The following SLC9A2 variants were observed in gnomAD, a reference collection of about 807,000 sequenced individuals.
SLC9A2 encodes sodium/hydrogen exchanger 2.
SLC9A2 carries 42 observed loss-of-function variants against 71.7 expected under a neutral mutation model. The observed-to-expected ratio is 0.59, with a 90% CI of 0.46 to 0.76. SLC9A2 has a LOEUF of 0.76. SLC9A2 is among the 30% of genes least tolerant of loss of function. The pLI is 0.00. For synonymous variants in SLC9A2, 396 were observed against 392.5 expected (o/e 1.01, Z -0.10); for missense variants, 829 against 1,017.4 (o/e 0.81, Z 2.52).
At chr2:102,706,590 A>G (rs1241524068) in intron 11 of SLC9A2, among the ~76,000 whole-genome samples, 1 of 152,260 alleles carries the variant, frequency 6.6e-6, no homozygotes, top group Non-Finnish European at 1.5e-5. Flanking sequence ...TTTAAAAAAA[A>G]GAATGAGTTC....
intron 1 of SLC9A2, among the ~76,000 whole-genome samples, chr2:102,626,309 C>A (rs888589409): frequency 1.3e-5 from 2 of 152,088 alleles, no homozygotes; most frequent in African/African-American, 4.8e-5. Flanking sequence ...CTGACAAAAA[C>A]AAGAAATGGG....
intron 3 of SLC9A2, among the ~76,000 whole-genome samples, chr2:102,675,145 T>C (rs1384451841): frequency 6.6e-6 from 1 of 152,212 alleles, no homozygotes; most frequent in Non-Finnish European, 1.5e-5. Context: ...TAATCTGTGT[T>C]GACTGCAAGT....
intron 2 of SLC9A2, among the ~76,000 whole-genome samples, chr2:102,662,702 C>T (rs1361881686): frequency 2.0e-5 from 3 of 151,502 alleles, no homozygotes; most frequent in South Asian, 2.1e-4. Context: ...TGAATAAACA[C>T]GGTGTGTTTT....
intron 7 of SLC9A2, among the ~76,000 whole-genome samples, chr2:102,695,778 T>TTATATATATATTATATATATATTA (rs1304391547): frequency 4.1e-5 from 1 of 24,580 alleles, no homozygotes; most frequent in Non-Finnish European, 8.7e-5. Context: ...ATAATATATA[T>TTATATATATATTATATATATATTA]TATATATATA....
At chr2:102,646,679 A>G (rs1167454278) in intron 1 of SLC9A2, among the ~76,000 whole-genome samples, 1 of 151,824 alleles carries the variant, frequency 6.6e-6, no homozygotes, top group Non-Finnish European at 1.5e-5. Flanking sequence ...GATAAAACAG[A>G]CTTTAAACCA....
intron 1 of SLC9A2, 65 bp downstream of exon 1, chr2:102,620,202 C>T (rs1408447222): frequency 2.1e-6 from 3 of 1,448,962 alleles, no homozygotes; most frequent in African/African-American, 2.8e-5. Context: ...GGAGGGTGAC[C>T]GGGTCAGCCA....
In SLC9A2 at chr2:102,708,721, T is replaced by C. The variant is rs1678037088; in HGVS notation, c.*232T>C. On this transcript the variant is annotated 3_prime_UTR_variant, in exon 12 of 12. Coordinates refer to ENST00000233969, the MANE Select transcript of SLC9A2 (RefSeq NM_003048.6). ...TGACTAATGGGTAGCAATCGTATTA[T>C]TTGCTGGCCTGAAGAGAAAAAATGG... 2 of 469,346 alleles carry C rather than the reference T, an allele frequency of 4.3e-6. No individual in the cohort carries two copies. Among genetic ancestry groups the C allele is most frequent in the Non-Finnish European group, 7.4e-6 (2 of 269,588 alleles). 29.1% of individuals were successfully genotyped at this position (469,346 alleles called of 1,614,324 possible).
chr2:102,657,866 G>C lies in SLC9A2; in HGVS notation c.592G>C (p.Gly198Arg). ...TGGTATCTGCCAGATCGAAGCATTCGGCCTCAGCGACATCACTTTGCTCCA... is the reference window on the plus strand; with the variant it reads ...TGGTATCTGCCAGATCGAAGCATTCCGCCTCAGCGACATCACTTTGCTCCA... Reference protein sequence around the residue: ...LFGICQIEAFGLSDITLLQNL... With the variant: ...LFGICQIEAFRLSDITLLQNL... Residue 198 changes from glycine to arginine, a missense_variant, in exon 2 of 12, where the codon GGC becomes CGC. Physicochemically the swap from Gly to Arg is moderately radical, Grantham distance 125 (BLOSUM62 -2). Transcript: ENST00000233969. The C allele has an allele frequency of 6.2e-7, 1 of 1,614,160 alleles. No individual in the cohort carries two copies. Among genetic ancestry groups the C allele is most frequent in the Non-Finnish European group, 8.5e-7 (1 of 1,180,038 alleles).
chr2:102,666,194 C>CTTTT (rs1266703500), intron 3 of SLC9A2, among the ~76,000 whole-genome samples: 49 of 119,416 alleles, frequency 4.1e-4, no homozygotes, highest in South Asian at 1.2e-3. Context: ...TCCAGTTTAG[C>CTTTT]TTTTTTTTTT....
intron 1 of SLC9A2, among the ~76,000 whole-genome samples, chr2:102,633,174 A>C (rs1469651629): frequency 6.6e-6 from 1 of 152,128 alleles, no homozygotes; most frequent in Admixed American, 6.5e-5. Context: ...TTTAATTCTC[A>C]TGGTAATTCT....
intron 5 of SLC9A2, among the ~76,000 whole-genome samples, chr2:102,686,098 T>C (rs1264338928): frequency 6.6e-6 from 1 of 152,182 alleles, no homozygotes; most frequent in Non-Finnish European, 1.5e-5. Context: ...ATTTAAAAGT[T>C]AGTCACAGAA....
At chr2:102,703,817 C>T (rs1308647156) in intron 9 of SLC9A2, among the ~76,000 whole-genome samples, 3 of 152,062 alleles carry the variant, frequency 2.0e-5, no homozygotes, top group African/African-American at 7.2e-5. Context: ...CATGTACAGC[C>T]CTAGTTTAGA....
intron 11 of SLC9A2, among the ~76,000 whole-genome samples, chr2:102,707,432 G>A (rs1479804341): frequency 6.6e-6 from 1 of 151,738 alleles, no homozygotes; most frequent in African/African-American, 2.4e-5. Flanking sequence ...TTAGAACAGT[G>A]GCCCGTGGTC....
chr2:102,653,889 C>A (rs899817437), intron 1 of SLC9A2, among the ~76,000 whole-genome samples: 17 of 152,144 alleles, frequency 1.1e-4, no homozygotes, highest in Admixed American at 4.6e-4. Context: ...AATGTGGAGG[C>A]ATTTGTGATG....
chr2:102,638,803 A>G (rs553831662), intron 1 of SLC9A2, among the ~76,000 whole-genome samples: 5 of 152,222 alleles, frequency 3.3e-5, no homozygotes, highest in Non-Finnish European at 7.3e-5. Flanking sequence ...CAGAAAACAT[A>G]TCTGTGAGTA....
chr2:102,704,762 A>T lies in SLC9A2; in HGVS notation c.1977+87A>T, dbSNP rs1343964063. 6.3e-6 allele frequency: 9 copies of T among 1,434,336 alleles called. No homozygotes were observed. The Admixed American group carries it at 1.6e-4, about 26-fold the overall frequency. 88.9% of individuals were successfully genotyped at this position (1,434,336 alleles called of 1,614,324 possible). A position where few individuals can be genotyped will look rare whatever the true frequency, so the allele number is the denominator to read the frequency against. On this transcript the variant is annotated intron_variant, in intron 10 of 11. Coordinates refer to ENST00000233969, the MANE Select transcript of SLC9A2 (RefSeq NM_003048.6). ...CAGCTGATGGTATCATCAGCTCTGC[A>T]GATCAAGTGGCTGTTGACAGTTCTC...
intron 5 of SLC9A2, chr2:102,689,591 T>C (rs1677621018): frequency 6.6e-6 from 1 of 152,224 alleles, no homozygotes; most frequent in African/African-American, 2.4e-5. Context: ...GACACCATCT[T>C]TATATTTCAT....
At chr2:102,691,637 T>TA (rs1166851739) in intron 5 of SLC9A2, among the ~76,000 whole-genome samples, 11 of 152,198 alleles carry the variant, frequency 7.2e-5, no homozygotes, top group Non-Finnish European at 1.2e-4. Flanking sequence ...AATTCAAAGA[T>TA]AAAAAGGGCG....
intron 3 of SLC9A2, among the ~76,000 whole-genome samples, chr2:102,678,506 A>T (rs1279093679): frequency 6.6e-6 from 1 of 152,146 alleles, no homozygotes; most frequent in Non-Finnish European, 1.5e-5. Context: ...GAATCTATTT[A>T]GGTTATTATT....
Sources: gnomAD v4.1 joint callset for allele counts (sites outside exome capture counted in the v4.1 genomes callset) on GRCh38, gnomAD v4.1.1 for gene constraint, MANE v1.5 for transcripts, NCBI Gene and HGNC (gene_info 2026-07-23, HGNC 2026-07-21) for gene names.